NEDD4: variants seen among roughly 807,000 people sequenced by gnomAD.
NEDD4 encodes E3 ubiquitin-protein ligase NEDD4.
Under a neutral mutation model 144.9 loss-of-function variants are expected in NEDD4, and 99 were observed. The observed-to-expected ratio is 0.68, with a 90% CI of 0.58 to 0.81. The LOEUF (loss-of-function observed/expected upper bound fraction) is 0.81, where lower values mean the gene tolerates loss of function less well. Among genes scored for constraint, NEDD4 ranks in the 30% least tolerant of loss-of-function variants. The pLI, the probability that NEDD4 is intolerant of heterozygous loss-of-function variation, is 0.00. For synonymous variants in NEDD4, 318 were observed against 350.6 expected (o/e 0.91, Z 1.04); for missense variants, 985 against 1,065.9 (o/e 0.92, Z 1.06).
chr15:55,934,144 ACT>A (rs1398169753), intron 4 of NEDD4, among the ~76,000 whole-genome samples: 1 of 152,050 alleles, frequency 6.6e-6, no homozygotes, highest in Non-Finnish European at 1.5e-5. Flanking sequence ...CAAGAGTGAA[ACT>A]CTGTCTCAAA....
intron 5 of NEDD4, chr15:55,905,311 G>GT: frequency 2.2e-6 from 1 of 455,368 alleles, no homozygotes; most frequent in Non-Finnish European, 4.4e-6. Context: ...ATCATTAGAA[G>GT]TTTCTTCTCT....
intron 12 of NEDD4, among the ~76,000 whole-genome samples, chr15:55,854,960 G>T (rs1566912299): frequency 6.6e-6 from 1 of 152,100 alleles, no homozygotes; most frequent in African/African-American, 2.4e-5. Context: ...ACATTATAAC[G>T]TGCAGAGGGA....
At chr15:55,931,330 A>G (rs796359984) in intron 4 of NEDD4, among the ~76,000 whole-genome samples, 6 of 152,324 alleles carry the variant, frequency 3.9e-5, no homozygotes, top group African/African-American at 1.2e-4. Context: ...GGTAGCAGGA[A>G]TAGGAGGGAG....
intron 8 of NEDD4, among the ~76,000 whole-genome samples, chr15:55,867,350 C>T (rs1474496884): frequency 6.6e-6 from 1 of 152,124 alleles, no homozygotes; most frequent in African/African-American, 2.4e-5. Context: ...TTATAAGGTG[C>T]ATTCTGAGGG....
At chr15:55,832,828 A>G (rs1159688215) in intron 27 of NEDD4, among the ~76,000 whole-genome samples, 180 bp downstream of exon 27, 1 of 152,230 alleles carries the variant, frequency 6.6e-6, no homozygotes, top group South Asian at 2.1e-4. Context: ...TTATCTGATT[A>G]GAAGGTGTAA....
rs2032850637 is a variant in NEDD4, at chr15:55,829,660, T to A, written c.*237A>T. 1 of 392,464 alleles carries A rather than the reference T, an allele frequency of 2.5e-6. No homozygotes were observed. Among genetic ancestry groups the A allele is most frequent in the African/African-American group, 2.0e-5 (1 of 48,822 alleles). The allele number at this position is 392,464 out of a possible 1,614,324, so 24.3% of individuals were successfully genotyped here. On this transcript the variant is annotated 3_prime_UTR_variant, in exon 29 of 29. Coordinates refer to ENST00000435532, the MANE Select transcript of NEDD4 (RefSeq NM_006154.4). ...AAGCCAGGTGTGGTGGTGCCTGGCT[T>A]TAGGCAGGCACCTAACTCTAAAGAC...
chr15:55,924,409 G>A (rs1380444293), intron 5 of NEDD4: 1 of 470,156 alleles, frequency 2.1e-6, no homozygotes, highest in African/African-American at 1.9e-5. Context: ...AAGAGGTCTT[G>A]AGTAAGACCT....
chr15:55,979,734 CA>C (rs2142353692), intron 1 of NEDD4, among the ~76,000 whole-genome samples: 1 of 152,190 alleles, frequency 6.6e-6, no homozygotes, highest in South Asian at 2.1e-4. Flanking sequence ...CTTCAAAGCC[CA>C]AATGCCATCT....
Position 55,889,246 on chromosome 15 carries a change from G to A in NEDD4, c.292-15238C>T, listed in dbSNP as rs146646361. Reference sequence around the variant, plus strand: ...TATGCCCAAAAGAAAGGAAATCAGCGTATTGAAAGGATATGTGCACTTCAG... The same window carrying A: ...TATGCCCAAAAGAAAGGAAATCAGCATATTGAAAGGATATGTGCACTTCAG... On this transcript the variant is annotated intron_variant, in intron 5 of 28. Coordinates refer to ENST00000435532, the MANE Select transcript of NEDD4 (RefSeq NM_006154.4). Among the ~76,000 whole-genome samples, 542 of 152,288 alleles carry A rather than the reference G, an allele frequency of 3.6e-3. 10 individuals are homozygous for A. The East Asian group carries it at 0.051, about 14-fold the overall frequency.
chr15:55,903,059 G>A (rs1458103825), intron 5 of NEDD4, among the ~76,000 whole-genome samples: 1 of 152,024 alleles, frequency 6.6e-6, no homozygotes, highest in Non-Finnish European at 1.5e-5. Context: ...TGGTTCTCTG[G>A]TAATGTTTAA....
At chr15:55,988,841 T>C (rs995971799) in intron 1 of NEDD4, among the ~76,000 whole-genome samples, 24 of 152,052 alleles carry the variant, frequency 1.6e-4, no homozygotes, top group Non-Finnish European at 3.2e-4. Context: ...AAAAAGGTGA[T>C]GGAACAATTG....
chr15:55,923,839 A>T (rs72734312), intron 5 of NEDD4, among the ~76,000 whole-genome samples: 23,497 of 128,424 alleles, frequency 0.18, 2,040 homozygotes, highest in East Asian at 0.38. Flanking sequence ...ACTTTTTTTT[A>T]AAAAAAAAGC....
At chr15:55,894,425 G>A (rs2035674050) in intron 5 of NEDD4, among the ~76,000 whole-genome samples, 1 of 152,068 alleles carries the variant, frequency 6.6e-6, no homozygotes, top group Non-Finnish European at 1.5e-5. Context: ...TGCTCATTTT[G>A]GTGTCTGTGG....
intron 5 of NEDD4, chr15:55,915,166 T>C (rs2036395875): frequency 2.5e-6 from 2 of 813,762 alleles, no homozygotes; most frequent in Admixed American, 3.4e-5. Context: ...TACAAAATAC[T>C]GCTAGCTAAG....
At chr15:55,915,305 A>G in intron 5 of NEDD4, 1 of 1,597,110 alleles carries the variant, frequency 6.3e-7, no homozygotes, top group South Asian at 1.1e-5. Flanking sequence ...TAGACAGTTC[A>G]TTTGTGCAAT....
rs562665024 is a variant in NEDD4, at chr15:55,888,737, T to G, written c.292-14729A>C. Among the ~76,000 whole-genome samples, 44 of 152,280 alleles carry G rather than the reference T, an allele frequency of 2.9e-4. No individual in the cohort carries two copies. The South Asian group carries it at 3.5e-3, about 12-fold the overall frequency. ...AGCTATTGTAACCAAAATGGCATGG[T>G]ACTGGTATAAAAACAGACAGACCAA... On this transcript the variant is annotated intron_variant, in intron 5 of 28. Transcript: ENST00000435532.
intron 5 of NEDD4, chr15:55,915,243 C>T (rs957789375): frequency 6.7e-7 from 1 of 1,483,992 alleles, no homozygotes; most frequent in Non-Finnish European, 9.0e-7. Flanking sequence ...TTAAGTTATT[C>T]TCATATAAAT....
intron 1 of NEDD4, among the ~76,000 whole-genome samples, chr15:55,968,468 T>G (rs2037553626): frequency 6.6e-6 from 1 of 152,200 alleles, no homozygotes; most frequent in African/African-American, 2.4e-5. Flanking sequence ...TTTTAGATAC[T>G]TCTTCCTGTA....
chr15:55,933,773 C>G (rs994506013), intron 4 of NEDD4, among the ~76,000 whole-genome samples: 6 of 151,976 alleles, frequency 3.9e-5, no homozygotes, highest in Admixed American at 2.0e-4. Context: ...GATGTGTTTG[C>G]TTCCCCTTCT....
Sources: gnomAD v4.1 joint callset for allele counts (sites outside exome capture counted in the v4.1 genomes callset) on GRCh38, gnomAD v4.1.1 for gene constraint, MANE v1.5 for transcripts, NCBI Gene and HGNC (gene_info 2026-07-23, HGNC 2026-07-21) for gene names.